Variants in CTNNA2 observed in about 807,000 individuals in gnomAD.
CTNNA2 encodes the protein catenin alpha 2, also known as catenin alpha-2.
In CTNNA2, 42 loss-of-function variants were observed where a neutral mutation model predicts 101.0. That is an observed-to-expected ratio of 0.42 (90% CI 0.32 to 0.54). The LOEUF is 0.54. Among genes scored for constraint, CTNNA2 ranks in the 20% least tolerant of loss-of-function variants. CTNNA2 has a pLI of 0.14. For synonymous variants in CTNNA2, 450 were observed against 456.4 expected (o/e 0.99, Z 0.18); for missense variants, 871 against 1,223.1 (o/e 0.71, Z 4.29).
chr2:80,471,082 G>C lies in CTNNA2; in HGVS notation c.1290+51481G>C, dbSNP rs956517334. 3.3e-5 allele frequency among the ~76,000 whole-genome samples: 5 copies of C among 152,254 alleles called. 1 individual carries two copies. In the South Asian group the frequency reaches 1.0e-3, roughly 32 times the overall value. On this transcript the variant is annotated intron_variant, in intron 9 of 18. Transcript: ENST00000402739. ...GTCCTTGCAAGCAGCCCATGATAGGGGGTTGGTATATTATCCTAATTGCAG... is the reference window on the plus strand; with the variant it reads ...GTCCTTGCAAGCAGCCCATGATAGGCGGTTGGTATATTATCCTAATTGCAG...
chr2:79,267,741 G>A (rs1007188239), intron 2 of CTNNA2, among the ~76,000 whole-genome samples: 1 of 152,104 alleles, frequency 6.6e-6, no homozygotes. Context: ...GGTGGGGACA[G>A]AATGTAAAGC....
At chr2:80,545,509 A>C (rs190880296) in intron 10 of CTNNA2, among the ~76,000 whole-genome samples, 3 of 151,978 alleles carry the variant, frequency 2.0e-5, no homozygotes, top group African/African-American at 7.2e-5. Flanking sequence ...TTGTGCCACT[A>C]TACTCTCCAC....
chr2:80,399,988 G>A (rs1248358835), intron 8 of CTNNA2, among the ~76,000 whole-genome samples: 1 of 152,158 alleles, frequency 6.6e-6, no homozygotes, highest in Non-Finnish European at 1.5e-5. Context: ...TGTTGTTGGA[G>A]GCTGTGTTTA....
intron 3 of CTNNA2, among the ~76,000 whole-genome samples, chr2:79,335,710 A>G (rs1215798227): frequency 1.3e-5 from 2 of 152,322 alleles, no homozygotes; most frequent in East Asian, 1.9e-4. Context: ...GGCTTCTCTC[A>G]TCTGTTGGGC....
chr2:79,932,690 T>G (rs1470537560), intron 7 of CTNNA2, among the ~76,000 whole-genome samples: 1 of 152,222 alleles, frequency 6.6e-6, no homozygotes, highest in Non-Finnish European at 1.5e-5. Context: ...TGCTAGTTTA[T>G]GAGTACTCAA....
intron 7 of CTNNA2, among the ~76,000 whole-genome samples, chr2:80,159,477 T>C (rs897467441): frequency 6.6e-6 from 1 of 152,202 alleles, no homozygotes; most frequent in Non-Finnish European, 1.5e-5. Context: ...AGTGTGGTTT[T>C]ATTTTGTGTT....
At chr2:80,315,121 T>C (rs1178234581) in intron 7 of CTNNA2, among the ~76,000 whole-genome samples, 1 of 152,162 alleles carries the variant, frequency 6.6e-6, no homozygotes, top group African/African-American at 2.4e-5. Context: ...AGGGCAAAAA[T>C]CACACCCTAT....
intron 7 of CTNNA2, among the ~76,000 whole-genome samples, chr2:80,240,259 A>G (rs1253095310): frequency 1.3e-5 from 2 of 152,248 alleles, no homozygotes; most frequent in East Asian, 3.8e-4. Context: ...ATAATGATCA[A>G]CAACATAAGT....
intron 2 of CTNNA2, among the ~76,000 whole-genome samples, chr2:79,701,186 A>G (rs955749): frequency 1.3e-5 from 2 of 152,032 alleles, no homozygotes; most frequent in East Asian, 3.9e-4. Context: ...TTTAGTTCTT[A>G]TGAAACAGTG....
At chr2:79,207,324 G>A (rs1410207501) in intron 2 of CTNNA2, among the ~76,000 whole-genome samples, 1 of 152,126 alleles carries the variant, frequency 6.6e-6, no homozygotes, top group Non-Finnish European at 1.5e-5. Context: ...TTTCACCTAG[G>A]TAGTCCAGTA....
intron 3 of CTNNA2, among the ~76,000 whole-genome samples, chr2:79,828,294 C>G (rs982497901): frequency 3.3e-5 from 5 of 152,102 alleles, no homozygotes; most frequent in African/African-American, 9.7e-5. Flanking sequence ...GCCAATAAAC[C>G]TAAAATGCAT....
In CTNNA2 at chr2:79,909,567, T is replaced by TTGTG. The variant is rs370736531; in HGVS notation, c.853-14_853-11dup. ...GCAGACCTCTCTTCTCTGCTGATTTTTGTGTGTGTGTGTGTGATACTTTCA... is the reference window on the plus strand; with the variant it reads ...GCAGACCTCTCTTCTCTGCTGATTTTTGTGTGTGTGTGTGTGTGTGATACTTTCA... On this transcript the variant is annotated intron_variant, in intron 6 of 18. Transcript: ENST00000402739. The TTGTG allele has an allele frequency of 1.0e-5, 16 of 1,534,240 alleles. No homozygotes were observed. In the South Asian group the frequency reaches 1.4e-4, roughly 13 times the overall value.
chr2:80,461,589 A>T lies in CTNNA2; in HGVS notation c.1290+41988A>T, dbSNP rs925450409. ...CTGTTTGTTTGACAATATACATGCA[A>T]TTATTTTGTCTCTACATTCAGTGGT... is the stretch of plus-strand genomic sequence containing the variant. On this transcript the variant is annotated intron_variant, in intron 9 of 18. Transcript: ENST00000402739. Among the ~76,000 whole-genome samples the T allele has an allele frequency of 6.6e-5, 10 of 152,138 alleles. No individual in the cohort carries two copies. The South Asian group carries it at 8.3e-4, about 13-fold the overall frequency.
chr2:80,317,923 C>T (rs1190921787), intron 7 of CTNNA2, among the ~76,000 whole-genome samples: 2 of 152,118 alleles, frequency 1.3e-5, no homozygotes, highest in Admixed American at 1.3e-4. Flanking sequence ...TCAAGAACCT[C>T]TAAATAAATG....
chr2:79,906,707 CTT>C (rs1209188166), intron 6 of CTNNA2, among the ~76,000 whole-genome samples: 2 of 152,184 alleles, frequency 1.3e-5, no homozygotes, highest in African/African-American at 4.8e-5. Context: ...CAAAGTCTCT[CTT>C]GTCACATTTC....
Position 79,345,026 on chromosome 2 carries a change from T to C in CTNNA2, c.-317-28805T>C, listed in dbSNP as rs113761674. Reference sequence around the variant, plus strand: ...ACTTTGTTTTCTGTATTTGAGTGTATGTATTCCCGTAACTTATGCACTTTA... The same window carrying C: ...ACTTTGTTTTCTGTATTTGAGTGTACGTATTCCCGTAACTTATGCACTTTA... On this transcript the variant is annotated intron_variant, in intron 3 of 21. Transcript: ENST00000466387. Among the ~76,000 whole-genome samples the C allele has an allele frequency of 2.4e-3, 358 of 151,362 alleles. 1 individual carries two copies. The highest frequency in any genetic ancestry group is 8.2e-3 in the African/African-American group (338 of 41,360).
intron 7 of CTNNA2, among the ~76,000 whole-genome samples, chr2:80,347,370 C>T (rs1243143349): frequency 6.6e-6 from 1 of 152,160 alleles, no homozygotes; most frequent in East Asian, 1.9e-4. Context: ...TCAGCTAAAG[C>T]CCCAAGACAA....
chr2:80,006,586 C>T (rs547580438), intron 7 of CTNNA2, among the ~76,000 whole-genome samples: 246 of 152,198 alleles, frequency 1.6e-3, no homozygotes, highest in Non-Finnish European at 2.6e-3. Flanking sequence ...AAACATGGCA[C>T]TATTGGATTC....
rs542540400 is a variant in CTNNA2, at chr2:79,853,973, C to T, written c.299-4040C>T. Among the ~76,000 whole-genome samples, 3 of 152,202 alleles carry T rather than the reference C, an allele frequency of 2.0e-5. No individual in the cohort carries two copies. The East Asian group carries it at 5.8e-4, about 29-fold the overall frequency. ...GTGAGCCACCGCGCCCAGCCCATGC[C>T]ATCCTTTTCTTGTGTTTATTATTAC... is the stretch of plus-strand genomic sequence containing the variant. On this transcript the variant is annotated intron_variant, in intron 3 of 18. Coordinates refer to ENST00000402739, the MANE Select transcript of CTNNA2 (RefSeq NM_001282597.3).
Sources: gnomAD v4.1 joint callset for allele counts (sites outside exome capture counted in the v4.1 genomes callset) on GRCh38, gnomAD v4.1.1 for gene constraint, MANE v1.5 for transcripts, NCBI Gene and HGNC (gene_info 2026-07-23, HGNC 2026-07-21) for gene names.